CAPZB: variants seen among roughly 807,000 people sequenced by gnomAD.
CAPZB encodes the protein capping actin protein of muscle Z-line subunit beta.
In CAPZB, 2 loss-of-function variants were observed where a neutral mutation model predicts 38.1. The observed-to-expected ratio is 0.05, with a 90% CI of 0.02 to 0.17. The LOEUF (loss-of-function observed/expected upper bound fraction) is 0.17. Among genes scored for constraint, CAPZB ranks in the 10% least tolerant of loss-of-function variants. The pLI, the probability that CAPZB is intolerant of heterozygous loss-of-function variation, is 1.00. For synonymous variants in CAPZB, 107 were observed against 127.4 expected, an observed-to-expected ratio of 0.84 and a Z score of 1.08; for missense variants, 161 against 334.2, an observed-to-expected ratio of 0.48 and a Z score of 4.04.
In CAPZB at chr1:19,402,389, C is replaced by T. The variant is rs116236391; in HGVS notation, c.94-16763G>A. Among the ~76,000 whole-genome samples, 364 of 152,332 alleles carry T rather than the reference C, an allele frequency of 2.4e-3. 3 individuals carry two copies. The highest frequency in any genetic ancestry group is 3.3e-3 in the Non-Finnish European group (224 of 68,038). The stretch of plus-strand genomic sequence containing the variant: ...CTTACAAGGGCACATTTCTCAGTTA[C>T]GATCTTAAAATTGCAGGGAACCTGC... On this transcript the variant is annotated intron_variant, in intron 2 of 8. Transcript: ENST00000264202.
intron 1 of CAPZB, among the ~76,000 whole-genome samples, chr1:19,470,877 G>A (rs1482759916): frequency 6.6e-6 from 1 of 152,214 alleles, no homozygotes; most frequent in Non-Finnish European, 1.5e-5. Flanking sequence ...AGAGGACCAG[G>A]TGAAGTGCAC....
At chr1:19,402,575 T>C (rs575724405) in intron 2 of CAPZB, among the ~76,000 whole-genome samples, 100 of 152,274 alleles carry the variant, frequency 6.6e-4, no homozygotes, top group African/African-American at 2.3e-3. Flanking sequence ...ACGCTCTATC[T>C]AATCAGGCAG....
At chr1:19,411,867 C>T (rs939723267) in intron 2 of CAPZB, among the ~76,000 whole-genome samples, 2 of 152,192 alleles carry the variant, frequency 1.3e-5, no homozygotes, top group Non-Finnish European at 2.9e-5. Context: ...AAATCAGAGG[C>T]TGCACTACTA....
At chr1:19,390,401 C>A (rs1385842640) in intron 2 of CAPZB, among the ~76,000 whole-genome samples, 1 of 152,266 alleles carries the variant, frequency 6.6e-6, no homozygotes. Flanking sequence ...CTAAACCACC[C>A]ATCTGAACTG....
intron 1 of CAPZB, among the ~76,000 whole-genome samples, chr1:19,426,025 C>A (rs1356924647): frequency 6.6e-6 from 1 of 152,174 alleles, no homozygotes; most frequent in Non-Finnish European, 1.5e-5. Flanking sequence ...CCTTTCCAGG[C>A]AGCAGGTGCA....
chr1:19,472,792 A>G (rs922413084), intron 1 of CAPZB, among the ~76,000 whole-genome samples: 5 of 128,532 alleles, frequency 3.9e-5, no homozygotes, highest in African/African-American at 1.5e-4. Context: ...ATCTCGGCTC[A>G]CTGCAAGCTC....
chr1:19,374,624 C>T (rs1482136946), intron 4 of CAPZB, among the ~76,000 whole-genome samples: 10 of 152,256 alleles, frequency 6.6e-5, no homozygotes, highest in Admixed American at 6.5e-5. Flanking sequence ...CAAGGGGTGG[C>T]TTCTCCGGCC....
At chr1:19,465,103 G>A (rs936985261) in intron 1 of CAPZB, among the ~76,000 whole-genome samples, 3 of 152,212 alleles carry the variant, frequency 2.0e-5, no homozygotes, top group African/African-American at 7.2e-5. Flanking sequence ...TGGCAGGGGA[G>A]AGTGGAAGAC....
intron 1 of CAPZB, among the ~76,000 whole-genome samples, chr1:19,447,648 G>A (rs1181035926): frequency 6.6e-6 from 1 of 152,154 alleles, no homozygotes; most frequent in Non-Finnish European, 1.5e-5. Flanking sequence ...GCGAAATGGT[G>A]AGTTGCACAG....
chr1:19,355,741 G>A (rs1289034146), intron 6 of CAPZB, among the ~76,000 whole-genome samples: 1 of 152,204 alleles, frequency 6.6e-6, no homozygotes, highest in East Asian at 1.9e-4. Context: ...GCAAAGAGGG[G>A]TCCTTGTGAA....
At chr1:19,444,944 C>T (rs12089835) in intron 1 of CAPZB, among the ~76,000 whole-genome samples, 47,137 of 151,888 alleles carry the variant, frequency 0.31, 7,699 homozygotes, top group Middle Eastern at 0.42. Flanking sequence ...GATCTCACCA[C>T]GTTGGCCAGG....
At chr1:19,415,651 C>T (rs961496364) in intron 2 of CAPZB, among the ~76,000 whole-genome samples, 7 of 152,216 alleles carry the variant, frequency 4.6e-5, no homozygotes, top group African/African-American at 4.8e-5. Context: ...TCGCACGTAG[C>T]GAGGAGTTCA....
At chr1:19,475,883 G>A (rs932551579) in intron 1 of CAPZB, among the ~76,000 whole-genome samples, 3 of 152,308 alleles carry the variant, frequency 2.0e-5, no homozygotes, top group Admixed American at 1.3e-4. Context: ...CAATGGCTGT[G>A]TCAGGGCCAG....
intron 2 of CAPZB, among the ~76,000 whole-genome samples, chr1:19,394,686 A>G (rs2094256402): frequency 6.6e-6 from 1 of 152,174 alleles, no homozygotes; most frequent in Non-Finnish European, 1.5e-5. Context: ...ACAGCACTTC[A>G]GCCTGGGTGA....
Position 19,484,590 on chromosome 1 carries a change from G to C in CAPZB, c.3+846C>G. On this transcript the variant is annotated intron_variant, in intron 1 of 8. Transcript: ENST00000264202. ...GGCAACTGAGAAGGCACAGCACCGG[G>C]ACCACCCCATCCCTGATGGAGAGCT... is the stretch of plus-strand genomic sequence containing the variant. The C allele has an allele frequency of 4.1e-6, 5 of 1,228,506 alleles. No homozygotes were observed. The East Asian group carries it at 2.4e-4, about 60-fold the overall frequency. 76.1% of individuals were successfully genotyped at this position (1,228,506 alleles called of 1,614,324 possible).
chr1:19,447,995 G>A (rs891364774), intron 1 of CAPZB, among the ~76,000 whole-genome samples: 5 of 152,208 alleles, frequency 3.3e-5, no homozygotes, highest in African/African-American at 1.2e-4. Flanking sequence ...GGCGGAGGGA[G>A]GGCTTACTCG....
chr1:19,408,214 C>T (rs2094341681), intron 2 of CAPZB, among the ~76,000 whole-genome samples: 1 of 152,252 alleles, frequency 6.6e-6, no homozygotes, highest in Non-Finnish European at 1.5e-5. Context: ...AGGGCACAGC[C>T]TCTAGGCTGG....
chr1:19,465,277 C>T (rs1437562701), intron 1 of CAPZB, among the ~76,000 whole-genome samples: 1 of 152,108 alleles, frequency 6.6e-6, no homozygotes, highest in Non-Finnish European at 1.5e-5. Flanking sequence ...TCATGAATGA[C>T]ATTAATGCCC....
intron 4 of CAPZB, among the ~76,000 whole-genome samples, chr1:19,358,992 G>T (rs961997265): frequency 5.3e-5 from 8 of 152,224 alleles, no homozygotes; most frequent in Admixed American, 2.0e-4. Flanking sequence ...TAAGGGACCA[G>T]CGGTGTGAAT....
Sources: allele counts gnomAD v4.1 joint callset (sites outside exome capture counted in the v4.1 genomes callset), GRCh38; gene constraint gnomAD v4.1.1; transcripts MANE v1.5; gene names NCBI Gene and HGNC (gene_info 2026-07-23, HGNC 2026-07-21).